CD300LD: variants seen among roughly 807,000 people sequenced by gnomAD.
The protein encoded by CD300LD is CD300 molecule like family member d.
Under a neutral mutation model 20.3 loss-of-function variants are expected in CD300LD, and 18 were observed. The ratio of observed to expected loss-of-function variants is 0.89; its 90% CI spans 0.61 to 1.32. CD300LD has a LOEUF of 1.32. Ranked by LOEUF, CD300LD falls within the 40% of genes most tolerant of loss-of-function variation. The pLI is 0.00. For synonymous variants in CD300LD, 104 were observed against 90.1 expected, an observed-to-expected ratio of 1.15 and a Z score of -0.87; for missense variants, 195 against 226.6, an observed-to-expected ratio of 0.86 and a Z score of 0.90.
chr17:74,582,168 G>A (rs770647243), intron 3 of CD300LD, 50 bp downstream of exon 3: 4 of 1,483,348 alleles, frequency 2.7e-6, no homozygotes, highest in Non-Finnish European at 3.7e-6. Flanking sequence ...TTAGAGGAGA[G>A]GCCATGGGGC....
rs201241574 is a variant in CD300LD, at chr17:74,588,480, G to C, written c.379+31C>G. ...GGGACCAGGACAGAGCAGGACCTGA[G>C]AGACACACACGTATATACACTCCCT... On this transcript the variant is annotated intron_variant, in intron 2 of 3. Transcript: ENST00000375352. 28 of 1,446,906 alleles carry C rather than the reference G, an allele frequency of 1.9e-5. No homozygotes were observed. In the Admixed American group the frequency reaches 2.1e-4, roughly 11 times the overall value. The allele number at this position is 1,446,906 out of a possible 1,614,324, so 89.6% of individuals were successfully genotyped here.
chr17:74,580,094 G>A lies in CD300LD; in HGVS notation c.493C>T (p.His165Tyr). ...PLTRSPLKST[H>Y]FLFLFLLELP... ...TCCAGGAGGAACAGGAACAGGAAGTGGGTGCTCTTGAGCGGGGACCTGTGG... is the reference window on the plus strand; with the variant it reads ...TCCAGGAGGAACAGGAACAGGAAGTAGGTGCTCTTGAGCGGGGACCTGTGG... The change falls in exon 4 of 4, where the codon CAC (histidine) becomes TAC (tyrosine). Residue 165 changes from histidine to tyrosine, a missense_variant. Transcript: ENST00000375352. 1 of 1,612,050 alleles carries A rather than the reference G, an allele frequency of 6.2e-7. No homozygotes were observed. Among genetic ancestry groups the A allele is most frequent in the Non-Finnish European group, 8.5e-7 (1 of 1,178,914 alleles).
chr17:74,591,292 TC>T (rs1368733039), intron 1 of CD300LD, among the ~76,000 whole-genome samples: 1 of 147,932 alleles, frequency 6.8e-6, no homozygotes, highest in Non-Finnish European at 1.5e-5. Context: ...ATAATAATAA[TC>T]TATTTTAAAA....
chr17:74,591,626 A>ATTGTT (rs1468847792), intron 1 of CD300LD, among the ~76,000 whole-genome samples: 1 of 152,190 alleles, frequency 6.6e-6, no homozygotes, highest in African/African-American at 2.4e-5. Context: ...CAATTTTTAA[A>ATTGTT]AGGTAGAAAC....
At chr17:74,582,096 T>G (rs1411755982) in intron 3 of CD300LD, 122 bp downstream of exon 3, 16 of 669,268 alleles carry the variant, frequency 2.4e-5, no homozygotes, top group Non-Finnish European at 4.1e-5. Flanking sequence ...AAAAAATGTT[T>G]TGTTGTTTGT....
chr17:74,590,190 C>T (rs2030272933), intron 1 of CD300LD, among the ~76,000 whole-genome samples: 1 of 152,106 alleles, frequency 6.6e-6, no homozygotes, highest in East Asian at 1.9e-4. Flanking sequence ...AATGGGAAAC[C>T]TCTTTCACTT....
At chr17:74,589,109 C>G (rs1475892251) in intron 1 of CD300LD, among the ~76,000 whole-genome samples, 1 of 152,366 alleles carries the variant, frequency 6.6e-6, no homozygotes, top group East Asian at 1.9e-4. Flanking sequence ...GTTCACCCCT[C>G]TCTCTTTCCC....
At chr17:74,587,427 A>T (rs184286467) in intron 2 of CD300LD, among the ~76,000 whole-genome samples, 16 of 152,142 alleles carry the variant, frequency 1.1e-4, no homozygotes, top group African/African-American at 3.6e-4. Context: ...TTGTAATGTT[A>T]CCTCTCTCAT....
downstream of CD300LD, among the ~76,000 whole-genome samples, chr17:74,579,199 T>C (rs2029979375): frequency 6.6e-6 from 1 of 152,244 alleles, no homozygotes; most frequent in Non-Finnish European, 1.5e-5. Context: ...TGCTCTCTTC[T>C]GTACTCATCT....
intron 1 of CD300LD, 91 bp downstream of exon 1, chr17:74,592,072 C>G: frequency 1.2e-6 from 2 of 1,611,946 alleles, no homozygotes; most frequent in Non-Finnish European, 1.7e-6. Flanking sequence ...CTGTCATTTT[C>G]CCTGACATGT....
At chr17:74,587,374 G>C (rs921459054) in intron 2 of CD300LD, among the ~76,000 whole-genome samples, 2 of 152,034 alleles carry the variant, frequency 1.3e-5, no homozygotes, top group Non-Finnish European at 2.9e-5. Flanking sequence ...AGTTGTTTAC[G>C]ACACATATTC....
chr17:74,582,157 G>T (rs2030049462), intron 3 of CD300LD, 61 bp downstream of exon 3: 2 of 1,386,430 alleles, frequency 1.4e-6, no homozygotes, highest in East Asian at 2.3e-5. Flanking sequence ...GGCAACCCCT[G>T]TTAGAGGAGA....
rs776845311 is a variant in CD300LD, at chr17:74,592,142, T to TAA, written c.40+19_40+20dup. On this transcript the variant is annotated intron_variant, in intron 1 of 3. Coordinates refer to ENST00000375352, the MANE Select transcript of CD300LD (RefSeq NM_001115152.2). Reference sequence around the variant, plus strand: ...GCCAGCCGCTGTCATTCCAGTGCCTTAAAGCTCCAGCCACACTCACCTGGG... The same window carrying TAA: ...GCCAGCCGCTGTCATTCCAGTGCCTTAAAAAGCTCCAGCCACACTCACCTGGG... The TAA allele has an allele frequency of 6.2e-6, 10 of 1,614,008 alleles. No homozygotes were observed. The African/African-American group carries it at 1.3e-4, about 22-fold the overall frequency.
At chr17:74,581,666 G>C (rs2030039308) in intron 3 of CD300LD, among the ~76,000 whole-genome samples, 1 of 152,250 alleles carries the variant, frequency 6.6e-6, no homozygotes, top group Non-Finnish European at 1.5e-5. Context: ...ACTAGGAGCA[G>C]ATGAGAGAGG....
chr17:74,582,313 T>G lies in CD300LD; in HGVS notation c.380-2A>C, dbSNP rs756520765. 6 of 1,613,000 alleles carry G rather than the reference T, an allele frequency of 3.7e-6. No homozygotes were observed. In the African/African-American group the frequency reaches 8.0e-5, roughly 22 times the overall value. On this transcript the variant is annotated splice_acceptor_variant, in intron 2 of 3. Transcript: ENST00000375352. LOFTEE classifies it high-confidence loss of function. ...ATTCTGAGACTGCAGTTTGTGTGCCTAAACATACAAAGCAGAACACGGTTC... is the reference window on the plus strand; with the variant it reads ...ATTCTGAGACTGCAGTTTGTGTGCCGAAACATACAAAGCAGAACACGGTTC...
rs1568020552 is a variant in CD300LD, at chr17:74,580,121, AAC to A, written c.474-10_474-9del. 1 of 1,591,300 alleles carries A rather than the reference AAC, an allele frequency of 6.3e-7. No homozygotes were observed. Among genetic ancestry groups the A allele is most frequent in the East Asian group, 2.2e-5 (1 of 44,462 alleles). On this transcript the variant is annotated splice_polypyrimidine_tract_variant and intron_variant, in intron 3 of 3. Coordinates refer to ENST00000375352, the MANE Select transcript of CD300LD (RefSeq NM_001115152.2). ...GTGCTCTTGAGCGGGGACCTGTGGGAACACGGTGACAGGAAATGAGCTGCCTC... is the reference window on the plus strand; with the variant it reads ...GTGCTCTTGAGCGGGGACCTGTGGGAACGGTGACAGGAAATGAGCTGCCTC...
At chr17:74,586,645 C>T (rs1377280454) in intron 2 of CD300LD, among the ~76,000 whole-genome samples, 2 of 152,138 alleles carry the variant, frequency 1.3e-5, no homozygotes, top group Non-Finnish European at 2.9e-5. Context: ...CCTGGAAGCT[C>T]AGGATTCGAT....
rs749896449 is a variant in CD300LD at position 74,588,498 on chromosome 17, C to T, written c.379+13G>A. 7 of 1,572,156 alleles carry T rather than the reference C, an allele frequency of 4.5e-6. No individual in the cohort carries two copies. Among genetic ancestry groups the T allele is most frequent in the African/African-American group, 2.7e-5 (2 of 74,146 alleles). On this transcript the variant is annotated intron_variant, in intron 2 of 3. Transcript: ENST00000375352. The stretch of plus-strand genomic sequence containing the variant: ...GACCTGAGAGACACACACGTATATA[C>T]ACTCCCTCTTACCTGGGTTAATGGT...
In CD300LD at chr17:74,589,861, A is replaced by G. The variant is rs751200919; in HGVS notation, c.41-1012T>C. ...AGCACTTGAAGAAGCCCTGGGGGCA[A>G]TTCCTGTGGCAGGAGAGAGGTTGTC... On this transcript the variant is annotated intron_variant, in intron 1 of 3. Coordinates refer to ENST00000375352, the MANE Select transcript of CD300LD (RefSeq NM_001115152.2). Among the ~76,000 whole-genome samples the G allele has an allele frequency of 3.3e-5, 5 of 152,324 alleles. No homozygotes were observed. In the South Asian group the frequency reaches 8.3e-4, roughly 25 times the overall value.
Sources: gnomAD v4.1 joint callset for allele counts (sites outside exome capture counted in the v4.1 genomes callset) on GRCh38, gnomAD v4.1.1 for gene constraint, MANE v1.5 for transcripts, NCBI Gene and HGNC (gene_info 2026-07-23, HGNC 2026-07-21) for gene names.